DAAM1: variants seen among roughly 807,000 people sequenced by gnomAD.
The protein encoded by DAAM1 is dishevelled associated activator of morphogenesis 1, also known as disheveled-associated activator of morphogenesis 1.
A neutral mutation model predicts 130.0 loss-of-function variants in DAAM1; 52 were observed. That is an observed-to-expected ratio of 0.40 (90% CI 0.32 to 0.50). The LOEUF (loss-of-function observed/expected upper bound fraction) is 0.50, where lower values mean the gene tolerates loss of function less well. Ranked by LOEUF, DAAM1 falls within the 20% of genes least tolerant of loss-of-function variation. The pLI, the probability that DAAM1 is intolerant of heterozygous loss-of-function variation, is 0.61. For synonymous variants in DAAM1, 452 were observed against 444.5 expected, an observed-to-expected ratio of 1.02 and a Z score of -0.21; for missense variants, 1,134 against 1,303.8, an observed-to-expected ratio of 0.87 and a Z score of 2.01.
intron 5 of DAAM1, among the ~76,000 whole-genome samples, chr14:59,322,407 G>A (rs914182697): frequency 5.9e-5 from 9 of 151,666 alleles, no homozygotes; most frequent in South Asian, 2.1e-4. Context: ...CTGTAGTCCC[G>A]GCTACTTGGG....
chr14:59,198,563 G>A (rs1887987505), intron 1 of DAAM1, among the ~76,000 whole-genome samples: 1 of 152,100 alleles, frequency 6.6e-6, no homozygotes, highest in East Asian at 1.9e-4. Context: ...TCTACAGCCT[G>A]ATCCGGAAGG....
chr14:59,232,340 G>C (rs1291919208), intron 1 of DAAM1, among the ~76,000 whole-genome samples: 2 of 152,150 alleles, frequency 1.3e-5, no homozygotes, highest in African/African-American at 2.4e-5. Context: ...TTTTATCAGA[G>C]AACCTCTCTG....
rs1886969072 is a variant in DAAM1 at position 59,367,555 on chromosome 14, A to C, written c.2953A>C (p.Lys985Gln). The C allele has an allele frequency of 2.5e-6, 4 of 1,614,012 alleles. No individual in the cohort carries two copies. The African/African-American group carries it at 4.0e-5, about 16-fold the overall frequency. Reference sequence around the variant, plus strand: ...CAAACAAGAAAACGAAAATATGAGAAAGAAAAAGGAGGAAGAAGAACGTCG... The same window carrying C: ...CAAACAAGAAAACGAAAATATGAGACAGAAAAAGGAGGAAGAAGAACGTCG... ...EAKQENENMRKKKEEEERRAR... is the reference protein window; with the variant it reads ...EAKQENENMRQKKEEEERRAR... The change falls in exon 24 of 25, where the codon AAG becomes CAG. Residue 985 changes from lysine (K) to glutamine (Q), a missense_variant. Around this residue, in one of 3 missense-constraint regions of DAAM1, gnomAD observed 644 missense variants for 695.9 expected, o/e 0.93. Transcript: ENST00000360909.
chr14:59,225,019 G>GTTTTTTTTTTTTTTTTTTTTTT (rs869233694), intron 1 of DAAM1, among the ~76,000 whole-genome samples: 1 of 90,784 alleles, frequency 1.1e-5, no homozygotes, highest in Non-Finnish European at 2.1e-5. Flanking sequence ...ATCTGTGTGG[G>GTTTTTTTTTTTTTTTTTTTTTT]TTTTTTTTTT....
At chr14:59,296,553 A>G (rs1044304674) in intron 3 of DAAM1, among the ~76,000 whole-genome samples, 3 of 152,188 alleles carry the variant, frequency 2.0e-5, no homozygotes, top group East Asian at 1.9e-4. Flanking sequence ...AAATGTTGTC[A>G]TAAGCTCCAT....
chr14:59,340,755 G>A (rs1885813331), intron 16 of DAAM1, among the ~76,000 whole-genome samples: 1 of 152,200 alleles, frequency 6.6e-6, no homozygotes. Context: ...AAGAAGAAAG[G>A]AAATTTGGGA....
At chr14:59,273,544 C>T (rs1056333455) in intron 2 of DAAM1, among the ~76,000 whole-genome samples, 3 of 152,158 alleles carry the variant, frequency 2.0e-5, no homozygotes, top group Non-Finnish European at 4.4e-5. Flanking sequence ...CCCAAAGAGA[C>T]CCTGGATAGT....
chr14:59,243,382 A>G (rs1328229350), intron 1 of DAAM1, among the ~76,000 whole-genome samples: 1 of 152,176 alleles, frequency 6.6e-6, no homozygotes, highest in Non-Finnish European at 1.5e-5. Context: ...AGCTTTTTCT[A>G]GAGCAGCCTG....
chr14:59,343,128 G>C (rs1400813862), intron 16 of DAAM1, among the ~76,000 whole-genome samples: 2 of 152,228 alleles, frequency 1.3e-5, no homozygotes, highest in Non-Finnish European at 2.9e-5. Flanking sequence ...GCCCTGGGAA[G>C]GGTGCCTGCA....
chr14:59,248,777 A>G (rs958972229), intron 1 of DAAM1, among the ~76,000 whole-genome samples: 16 of 152,010 alleles, frequency 1.1e-4, no homozygotes, highest in Admixed American at 7.2e-4. Context: ...CTGAGAGTCC[A>G]TCCCTCATTT....
At chr14:59,201,439 A>G (rs373802383) in intron 1 of DAAM1, among the ~76,000 whole-genome samples, 3 of 152,098 alleles carry the variant, frequency 2.0e-5, no homozygotes, top group East Asian at 3.9e-4. Flanking sequence ...CCTGGCCAAC[A>G]TGGCAAAACC....
At chr14:59,356,591 T>C (rs76942642) in intron 20 of DAAM1, among the ~76,000 whole-genome samples, 9,683 of 152,294 alleles carry the variant, frequency 0.064, 328 homozygotes, top group East Asian at 0.087. Flanking sequence ...CCTGTGTTGT[T>C]GGTCCATCCA....
rs186761220 is a variant in DAAM1, at chr14:59,331,243, C to T, written c.1595C>T (p.Ser532Leu). 223 of 1,613,060 alleles carry T rather than the reference C, an allele frequency of 1.4e-4. No homozygotes were observed. The East Asian group carries it at 3.1e-3, about 22-fold the overall frequency. ...TGTGCTTCAATCCCAGGTGGACCCT[C>T]GCCTGGAGCACCAGGAGGGCCCTTT... is the stretch of plus-strand genomic sequence containing the variant. Reference protein sequence around the residue: ...AVCASIPGGPSPGAPGGPFPS... With the variant: ...AVCASIPGGPLPGAPGGPFPS... The change falls in exon 14 of 25, where the codon TCG becomes TTG. Residue 532 changes from serine (S) to leucine (L), a missense_variant. Coordinates refer to ENST00000360909, the MANE Select transcript of DAAM1 (RefSeq NM_001270520.2).
chr14:59,327,450 C>T (rs1410371358), intron 12 of DAAM1, among the ~76,000 whole-genome samples: 18 of 112,576 alleles, frequency 1.6e-4, no homozygotes, highest in African/African-American at 6.6e-4. Flanking sequence ...GCTCTGTCAC[C>T]CAGGCTGGAA....
chr14:59,324,002 A>C (rs1299570606), intron 6 of DAAM1, 126 bp from the exon 7 acceptor site: 5 of 524,698 alleles, frequency 9.5e-6, no homozygotes, highest in Non-Finnish European at 1.5e-5. Flanking sequence ...ACCGCACTCC[A>C]GCCTGGGCAA....
chr14:59,276,128 A>C (rs1421991593), intron 2 of DAAM1, among the ~76,000 whole-genome samples: 1 of 152,210 alleles, frequency 6.6e-6, no homozygotes, highest in African/African-American at 2.4e-5. Flanking sequence ...TCATACTAAA[A>C]TATTATTCTC....
chr14:59,208,770 G>T (rs965469048), intron 1 of DAAM1, among the ~76,000 whole-genome samples: 1 of 152,120 alleles, frequency 6.6e-6, no homozygotes, highest in South Asian at 2.1e-4. Flanking sequence ...GGTCATGAGG[G>T]TAGATCCCTC....
intron 17 of DAAM1, among the ~76,000 whole-genome samples, chr14:59,349,924 G>A (rs1271115378): frequency 6.6e-6 from 1 of 152,128 alleles, no homozygotes; most frequent in Non-Finnish European, 1.5e-5. Context: ...CAGGGAGAGA[G>A]GGGACTGAGC....
At chr14:59,357,491 A>G (rs1886527673) in intron 20 of DAAM1, among the ~76,000 whole-genome samples, 1 of 152,124 alleles carries the variant, frequency 6.6e-6, no homozygotes. Flanking sequence ...GCAAAATTGA[A>G]ATGGAGGCTG....
Sources: gnomAD v4.1 joint callset for allele counts (sites outside exome capture counted in the v4.1 genomes callset) on GRCh38, gnomAD v4.1.1 for gene constraint, gnomAD v4.1.1 regional missense constraint, MANE v1.5 for transcripts, NCBI Gene and HGNC (gene_info 2026-07-23, HGNC 2026-07-21) for gene names.